The following ITPR1 variants were observed in gnomAD, a reference collection of about 807,000 sequenced individuals.
The protein encoded by ITPR1 is inositol 1,4,5-trisphosphate-gated calcium channel ITPR1.
A neutral mutation model predicts 318.4 loss-of-function variants in ITPR1; 96 were observed. The ratio of observed to expected loss-of-function variants is 0.30; its 90% confidence interval spans 0.26 to 0.36. ITPR1 has a LOEUF of 0.36. ITPR1 is among the 10% of genes least tolerant of loss of function. The pLI is 1.00. For missense variants in ITPR1, 2,440 were observed against 3,460.2 expected (o/e 0.71, Z 7.40); for synonymous variants, 1,312 against 1,289.9 (o/e 1.02, Z -0.37).
chr3:4,627,552 A>G (rs934408588), intron 4 of ITPR1, among the ~76,000 whole-genome samples: 1 of 152,088 alleles, frequency 6.6e-6, no homozygotes, highest in East Asian at 1.9e-4. Context: ...CTGTAGAACA[A>G]TCGACTCACT....
At chr3:4,621,030 T>G (rs9871287) in intron 4 of ITPR1, among the ~76,000 whole-genome samples, 11,555 of 152,020 alleles carry the variant, frequency 0.076, 694 homozygotes, top group African/African-American at 0.17. Flanking sequence ...ATGTTTCGTA[T>G]GCATCTCAAA....
chr3:4,715,413 G>A (rs2041695510), intron 39 of ITPR1, among the ~76,000 whole-genome samples: 1 of 152,146 alleles, frequency 6.6e-6, no homozygotes, highest in Non-Finnish European at 1.5e-5. Context: ...TCCAATAGAC[G>A]CCAAGTGCAT....
intron 46 of ITPR1, among the ~76,000 whole-genome samples, chr3:4,773,804 C>T (rs943106026): frequency 6.6e-6 from 1 of 152,168 alleles, no homozygotes; most frequent in East Asian, 1.9e-4. Flanking sequence ...CCCACACAGT[C>T]CCAAATCATC....
Position 4,670,854 on chromosome 3 carries a change from A to G in ITPR1, c.2132A>G (p.Lys711Arg). 2.5e-6 allele frequency: 4 copies of G among 1,611,422 alleles called. No individual in the cohort carries two copies. The highest frequency in any genetic ancestry group is 1.3e-5 in the African/African-American group (1 of 74,996). Residue 711 changes from lysine to arginine, a missense_variant, in exon 20 of 62, where the codon AAG becomes AGG. Physicochemically the swap from Lys to Arg is conservative, Grantham distance 26. This residue lies in a region of ITPR1 where 478 missense variants were observed against 696.3 expected (regional missense o/e 0.69). Coordinates refer to ENST00000649015, the MANE Select transcript of ITPR1 (RefSeq NM_001378452.1). ...WRDSNKEIRS[K>R]SVRELAQDAK... is the part of the protein sequence containing the mutation. ...GACAGCAACAAAGAGATTCGCAGCA[A>G]GAGTGTGAGGGAATTGGCTCAGGAT... is the stretch of plus-strand genomic sequence containing the variant.
At chr3:4,794,140 C>T (rs922513445) in intron 52 of ITPR1, among the ~76,000 whole-genome samples, 10 of 152,210 alleles carry the variant, frequency 6.6e-5, no homozygotes, top group African/African-American at 2.4e-4. Flanking sequence ...GACATGGACA[C>T]TGAAATTATG....
At chr3:4,845,679 T>C (rs2051714146) in intron 61 of ITPR1, among the ~76,000 whole-genome samples, 1 of 152,138 alleles carries the variant, frequency 6.6e-6, no homozygotes, top group African/African-American at 2.4e-5. Flanking sequence ...AACCAACTAC[T>C]CAAGAGTCAT....
intron 52 of ITPR1, among the ~76,000 whole-genome samples, chr3:4,793,163 C>T (rs984856928): frequency 6.6e-6 from 1 of 152,202 alleles, no homozygotes; most frequent in Non-Finnish European, 1.5e-5. Flanking sequence ...TTGAAAACAA[C>T]ATTACAACTT....
intron 51 of ITPR1, among the ~76,000 whole-genome samples, chr3:4,784,726 C>CAAAA (rs34856837): frequency 4.0e-4 from 44 of 109,476 alleles, no homozygotes; most frequent in African/African-American, 1.3e-3. Context: ...ACTAAAAATA[C>CAAAA]AAAAAAAAAA....
At position 4,800,410 on chromosome 3, in the gene ITPR1, G is replaced by C; in HGVS notation, c.6932-15G>C. 6.2e-7 allele frequency: 1 copy of C among 1,611,974 alleles called. No individual in the cohort carries two copies. The highest frequency in any genetic ancestry group is 8.5e-7 in the Non-Finnish European group (1 of 1,179,334). ...AGGCACAGATTTGTGAGAGAACCCTGTTTTGTCCTTGCAGGAACCCTGGAG... is the reference window on the plus strand; with the variant it reads ...AGGCACAGATTTGTGAGAGAACCCTCTTTTGTCCTTGCAGGAACCCTGGAG... On this transcript the variant is annotated splice_polypyrimidine_tract_variant and intron_variant, in intron 53 of 61. Coordinates refer to ENST00000649015, the MANE Select transcript of ITPR1 (RefSeq NM_001378452.1).
chr3:4,520,168 C>G (rs1396732360), intron 3 of ITPR1, among the ~76,000 whole-genome samples: 1 of 152,142 alleles, frequency 6.6e-6, no homozygotes, highest in Admixed American at 6.5e-5. Flanking sequence ...GGAAGATTAG[C>G]CAGTTCTATC....
chr3:4,738,566 G>A (rs1202782651), intron 44 of ITPR1, among the ~76,000 whole-genome samples: 2 of 152,218 alleles, frequency 1.3e-5, no homozygotes, highest in African/African-American at 4.8e-5. Flanking sequence ...TAACAATGAA[G>A]TATAGTGGCT....
chr3:4,668,649 A>G (rs59444586), intron 18 of ITPR1, among the ~76,000 whole-genome samples: 22,253 of 151,890 alleles, frequency 0.15, 3,386 homozygotes, highest in African/African-American at 0.39. Flanking sequence ...TGTGTTTTTA[A>G]TAGAGACGGG....
intron 4 of ITPR1, 128 bp from the exon 5 acceptor site, chr3:4,627,635 C>G: frequency 1.7e-6 from 1 of 599,864 alleles, no homozygotes. Flanking sequence ...GAGCTTTGTA[C>G]TCTCATTTTA....
chr3:4,646,027 G>T, intron 10 of ITPR1: 6 of 309,146 alleles, frequency 1.9e-5, no homozygotes, highest in Non-Finnish European at 3.0e-5. Context: ...TAAGTACTTT[G>T]GAAACAAATT....
intron 51 of ITPR1, among the ~76,000 whole-genome samples, chr3:4,787,337 C>CAA (rs71053443): frequency 0.044 from 2,251 of 51,278 alleles, 142 homozygotes; most frequent in Admixed American, 0.057. Context: ...GACTCCATCT[C>CAA]AAAAAAAAAA....
At chr3:4,578,395 G>A (rs1215889412) in intron 4 of ITPR1, among the ~76,000 whole-genome samples, 1 of 152,102 alleles carries the variant, frequency 6.6e-6, no homozygotes, top group Non-Finnish European at 1.5e-5. Flanking sequence ...GATTAATTGT[G>A]TATAGGCCTC....
At chr3:4,785,391 A>G (rs1228628861) in intron 51 of ITPR1, among the ~76,000 whole-genome samples, 4 of 152,268 alleles carry the variant, frequency 2.6e-5, no homozygotes, top group Non-Finnish European at 5.9e-5. Flanking sequence ...CACAAGTTCA[A>G]TATCAGTGTT....
intron 4 of ITPR1, among the ~76,000 whole-genome samples, chr3:4,593,464 C>A (rs1372056889): frequency 6.6e-6 from 1 of 152,178 alleles, no homozygotes; most frequent in African/African-American, 2.4e-5. Flanking sequence ...TCTCTAAGAG[C>A]AGAATCTGGG....
chr3:4,791,713 G>A (rs1445154471), intron 52 of ITPR1, among the ~76,000 whole-genome samples: 4 of 152,178 alleles, frequency 2.6e-5, no homozygotes, highest in Admixed American at 2.6e-4. Flanking sequence ...ATTTTTAAGT[G>A]GCTGCAATAC....
Sources: allele counts gnomAD v4.1 joint callset (sites outside exome capture counted in the v4.1 genomes callset), GRCh38; gene constraint gnomAD v4.1.1; regional missense constraint gnomAD v4.1.1; transcripts MANE v1.5; gene names NCBI Gene and HGNC (gene_info 2026-07-23, HGNC 2026-07-21).